The following SLC24A2 variants were observed in gnomAD, a reference collection of about 807,000 sequenced individuals.
The protein encoded by SLC24A2 is sodium/potassium/calcium exchanger 2.
A neutral mutation model predicts 62.0 loss-of-function variants in SLC24A2; 36 were observed. The ratio of observed to expected loss-of-function variants is 0.58; its 90% CI spans 0.44 to 0.77. The LOEUF (loss-of-function observed/expected upper bound fraction) is 0.77, where lower values mean the gene tolerates loss of function less well. Among genes scored for constraint, SLC24A2 ranks in the 30% least tolerant of loss-of-function variants. The pLI, the probability that SLC24A2 is intolerant of heterozygous loss-of-function variation, is 0.00. For missense variants in SLC24A2, 846 were observed against 817.9 expected (o/e 1.03, Z -0.42); for synonymous variants, 358 against 294.0 (o/e 1.22, Z -2.23).
intron 4 of SLC24A2, among the ~76,000 whole-genome samples, chr9:19,611,752 T>C (rs1348395521): frequency 1.3e-5 from 2 of 152,070 alleles, no homozygotes; most frequent in African/African-American, 2.4e-5. Flanking sequence ...CTCTTCCCTA[T>C]AAATTGAGAA....
chr9:19,737,424 G>T (rs1285819321), intron 2 of SLC24A2, among the ~76,000 whole-genome samples: 2 of 152,024 alleles, frequency 1.3e-5, no homozygotes, highest in Non-Finnish European at 2.9e-5. Flanking sequence ...GTGAATGATG[G>T]TGTCATAAAA....
chr9:19,852,529 T>G, the SLC24A2 span, among the ~76,000 whole-genome samples: 1 of 152,216 alleles, frequency 6.6e-6, no homozygotes, highest in African/African-American at 2.4e-5. Context: ...CTTTCAATTT[T>G]CTGCATACAG....
the SLC24A2 span, among the ~76,000 whole-genome samples, chr9:20,135,340 T>C: frequency 1.1e-4 from 13 of 118,298 alleles, no homozygotes; most frequent in Middle Eastern, 0.012. Context: ...AAAATTTTAA[T>C]TTTTAATTAC....
chr9:20,148,075 C>T, the SLC24A2 span, among the ~76,000 whole-genome samples: 3 of 151,984 alleles, frequency 2.0e-5, no homozygotes, highest in East Asian at 3.9e-4. Flanking sequence ...AACTGTATAT[C>T]CTAGCTTTTC....
the SLC24A2 span, among the ~76,000 whole-genome samples, chr9:20,285,257 T>A: frequency 6.6e-6 from 1 of 152,292 alleles, no homozygotes; most frequent in East Asian, 1.9e-4. Flanking sequence ...GTCTGAGTGC[T>A]CCAGAGAAAC....
chr9:19,929,266 C>T, the SLC24A2 span: 7 of 152,212 alleles, frequency 4.6e-5, no homozygotes, highest in African/African-American at 1.2e-4. Flanking sequence ...ACCCGTGCAG[C>T]TCTCTGGCAG....
chr9:19,767,805 T>C (rs1564090035), intron 2 of SLC24A2, among the ~76,000 whole-genome samples: 1 of 152,164 alleles, frequency 6.6e-6, no homozygotes, highest in Admixed American at 6.5e-5. Flanking sequence ...GAAAAATCAC[T>C]TGATCTCTGT....
At chr9:19,546,898 T>C (rs920579367) in intron 8 of SLC24A2, among the ~76,000 whole-genome samples, 2 of 152,158 alleles carry the variant, frequency 1.3e-5, no homozygotes, top group Non-Finnish European at 2.9e-5. Context: ...GCACTGTTCC[T>C]CATGGCACAG....
At chr9:19,622,364 C>T in intron 2 of SLC24A2, 65 bp from the exon 3 acceptor site, 1 of 1,464,732 alleles carries the variant, frequency 6.8e-7, no homozygotes, top group Non-Finnish European at 9.5e-7. Flanking sequence ...TCACATATGG[C>T]ATTTACATTT....
chr9:19,868,231 G>A, the SLC24A2 span, among the ~76,000 whole-genome samples: 3 of 151,788 alleles, frequency 2.0e-5, no homozygotes, highest in Admixed American at 2.0e-4. Flanking sequence ...ATGTATTTTT[G>A]AATTTTTTTC....
the SLC24A2 span, among the ~76,000 whole-genome samples, chr9:20,222,595 T>C: frequency 6.6e-6 from 1 of 152,016 alleles, no homozygotes; most frequent in African/African-American, 2.4e-5. Context: ...ACGCAAAATC[T>C]TAAATAAAGT....
chr9:20,235,106 C>G, the SLC24A2 span, among the ~76,000 whole-genome samples: 1 of 152,192 alleles, frequency 6.6e-6, no homozygotes, highest in Non-Finnish European at 1.5e-5. Context: ...CAGAGGAGTA[C>G]CTGGCTGTGT....
intron 2 of SLC24A2, among the ~76,000 whole-genome samples, chr9:19,773,601 T>A (rs919998242): frequency 6.6e-6 from 1 of 152,222 alleles, no homozygotes; most frequent in Non-Finnish European, 1.5e-5. Flanking sequence ...ACACTCATCA[T>A]CACCACTATC....
intron 7 of SLC24A2, among the ~76,000 whole-genome samples, chr9:19,564,538 CTG>C (rs1835570355): frequency 2.7e-5 from 2 of 74,096 alleles, no homozygotes; most frequent in South Asian, 1.5e-3. Flanking sequence ...CTATCTCTCT[CTG>C]TATCTATCTG....
the SLC24A2 span, among the ~76,000 whole-genome samples, chr9:20,289,293 C>T: frequency 1.3e-5 from 2 of 152,174 alleles, no homozygotes. Flanking sequence ...GAGTTTGCTT[C>T]TTGCACTCTT....
At chr9:20,014,575 T>G in the SLC24A2 span, among the ~76,000 whole-genome samples, 1 of 151,608 alleles carries the variant, frequency 6.6e-6, no homozygotes, top group African/African-American at 2.4e-5. Flanking sequence ...CTCTGTCACT[T>G]GCAACACCAT....
At chr9:20,141,797 A>T in the SLC24A2 span, among the ~76,000 whole-genome samples, 2 of 152,230 alleles carry the variant, frequency 1.3e-5, no homozygotes, top group South Asian at 2.1e-4. Flanking sequence ...AAAATAATTT[A>T]AAAAGGCGGG....
At chr9:19,933,055 G>T in the SLC24A2 span, among the ~76,000 whole-genome samples, 7 of 152,254 alleles carry the variant, frequency 4.6e-5, no homozygotes, top group Non-Finnish European at 8.8e-5. Flanking sequence ...GGTGGGGGCT[G>T]CGGGGAGGAT....
the SLC24A2 span, among the ~76,000 whole-genome samples, chr9:20,062,577 A>C: frequency 7.0e-6 from 1 of 143,304 alleles, no homozygotes; most frequent in Non-Finnish European, 1.5e-5. Flanking sequence ...GGACATAGGC[A>C]TGGGCAAGGA....
Sources: gnomAD v4.1 joint callset for allele counts (sites outside exome capture counted in the v4.1 genomes callset) on GRCh38, gnomAD v4.1.1 for gene constraint, MANE v1.5 for transcripts, NCBI Gene and HGNC (gene_info 2026-07-23, HGNC 2026-07-21) for gene names.